ARHGEF12: variants seen among roughly 807,000 people sequenced by gnomAD.
ARHGEF12 encodes the protein KMT2A/ARHGEF12 fusion protein.
A neutral mutation model predicts 211.2 loss-of-function variants in ARHGEF12; 66 were observed. The observed-to-expected ratio is 0.31, with a 90% CI of 0.26 to 0.38. ARHGEF12 has a LOEUF of 0.38. Ranked by LOEUF, ARHGEF12 falls within the 10% of genes least tolerant of loss-of-function variation. ARHGEF12 has a pLI of 1.00. For synonymous variants in ARHGEF12, 592 were observed against 638.4 expected, an observed-to-expected ratio of 0.93 and a Z score of 1.09; for missense variants, 1,429 against 1,869.5, an observed-to-expected ratio of 0.76 and a Z score of 4.34.
intron 30 of ARHGEF12, 119 bp downstream of exon 30, chr11:120,469,507 T>G: frequency 3.6e-6 from 3 of 843,174 alleles, no homozygotes; most frequent in Admixed American, 5.7e-5. Flanking sequence ...GGAGAACATT[T>G]GTTTACTGTT....
At chr11:120,429,374 C>CT in intron 8 of ARHGEF12, 66 bp from the exon 9 acceptor site, 1 of 1,337,908 alleles carries the variant, frequency 7.5e-7, no homozygotes, top group Non-Finnish European at 1.0e-6. Context: ...CACATTTTCT[C>CT]TATTTATTTT....
Position 120,420,814 on chromosome 11 carries a change from T to C in ARHGEF12, c.261T>C (p.Ser87=), listed in dbSNP as rs776284902. ...KDDNGFGLTV[S]GDNPVFVQSV... ...ACAATGGATTTGGGCTGACGGTCAG[T>C]GGAGACAATCCAGTCTTCGTACAGT... The change falls in exon 5 of 41, where the codon AGT becomes AGC. Residue 87 remains serine (S), a synonymous_variant. Transcript: ENST00000397843. 3.7e-6 allele frequency: 6 copies of C among 1,614,108 alleles called. No homozygotes were observed. The Admixed American group carries it at 8.3e-5, about 22-fold the overall frequency.
chr11:120,425,169 C>T (rs1486496622), intron 7 of ARHGEF12, among the ~76,000 whole-genome samples: 3 of 152,080 alleles, frequency 2.0e-5, no homozygotes, highest in African/African-American at 4.8e-5. Context: ...CCCATCTGCA[C>T]AGGGAGAAGG....
chr11:120,435,639 C>T (rs538257827), intron 11 of ARHGEF12, among the ~76,000 whole-genome samples: 1 of 151,540 alleles, frequency 6.6e-6, no homozygotes, highest in Non-Finnish European at 1.5e-5. Flanking sequence ...CTCAGCCTTC[C>T]GAGTAGCTGG....
chr11:120,343,469 T>C (rs1942596634), intron 1 of ARHGEF12, among the ~76,000 whole-genome samples: 1 of 152,264 alleles, frequency 6.6e-6, no homozygotes, highest in African/African-American at 2.4e-5. Flanking sequence ...GGTCAGAGGC[T>C]GTGCCTAAAT....
intron 20 of ARHGEF12, chr11:120,448,842 T>C (rs1475335236): frequency 1.9e-5 from 7 of 374,922 alleles, no homozygotes; most frequent in Non-Finnish European, 2.4e-5. Context: ...TTGTTTAGAA[T>C]AAGTTCCTGG....
intron 1 of ARHGEF12, among the ~76,000 whole-genome samples, chr11:120,364,078 G>A (rs2135377321): frequency 6.6e-6 from 1 of 152,208 alleles, no homozygotes; most frequent in East Asian, 1.9e-4. Flanking sequence ...CAACTAGCTG[G>A]AACTACAGGC....
At chr11:120,380,506 G>A (rs571808043) in intron 1 of ARHGEF12, among the ~76,000 whole-genome samples, 23 of 152,178 alleles carry the variant, frequency 1.5e-4, no homozygotes, top group African/African-American at 5.1e-4. Context: ...TGCCATCCCC[G>A]AGGACTTTGT....
chr11:120,416,672 T>C (rs1167954040), intron 4 of ARHGEF12, among the ~76,000 whole-genome samples: 1 of 152,192 alleles, frequency 6.6e-6, no homozygotes, highest in African/African-American at 2.4e-5. Context: ...TCTTTTTTTT[T>C]TGAGATGGAG....
chr11:120,423,196 G>T (rs1945247742), intron 6 of ARHGEF12, among the ~76,000 whole-genome samples: 1 of 152,130 alleles, frequency 6.6e-6, no homozygotes. Context: ...AAATTAAAAT[G>T]ATAGGTGAAA....
chr11:120,404,248 AG>A (rs149489288), intron 1 of ARHGEF12, among the ~76,000 whole-genome samples: 1,671 of 152,304 alleles, frequency 0.011, 30 homozygotes, highest in African/African-American at 0.038. Flanking sequence ...AGCATGTGGT[AG>A]GGATTTTGCA....
intron 1 of ARHGEF12, among the ~76,000 whole-genome samples, chr11:120,373,592 G>A (rs1207465955): frequency 1.3e-5 from 2 of 151,900 alleles, no homozygotes; most frequent in Non-Finnish European, 2.9e-5. Context: ...TTCTATTATT[G>A]GTACGATATT....
At chr11:120,457,093 T>G in intron 22 of ARHGEF12, 25 bp from the exon 23 acceptor site, 1 of 1,612,142 alleles carries the variant, frequency 6.2e-7, no homozygotes, top group Non-Finnish European at 8.5e-7. Flanking sequence ...TTAACACTCT[T>G]CAAATGTCTG....
intron 1 of ARHGEF12, among the ~76,000 whole-genome samples, chr11:120,377,643 C>CT (rs1300289231): frequency 6.6e-6 from 1 of 152,090 alleles, no homozygotes; most frequent in Non-Finnish European, 1.5e-5. Flanking sequence ...CCTTTCTTCT[C>CT]TTTTTTTAGG....
At chr11:120,347,893 A>T (rs570188853) in intron 1 of ARHGEF12, among the ~76,000 whole-genome samples, 3 of 152,220 alleles carry the variant, frequency 2.0e-5, no homozygotes, top group Non-Finnish European at 2.9e-5. Flanking sequence ...TCAGGTGACA[A>T]TGAGGTGGCA....
intron 1 of ARHGEF12, among the ~76,000 whole-genome samples, chr11:120,353,094 T>C (rs1943032645): frequency 6.6e-6 from 1 of 152,176 alleles, no homozygotes; most frequent in Admixed American, 6.5e-5. Flanking sequence ...TGATTTCAGG[T>C]TGAACCACTG....
Position 120,407,776 on chromosome 11 carries a change from A to G in ARHGEF12, c.95A>G (p.Lys32Arg). ...SILNRESPTD[K>R]KQKVERIASH... ...TTGAACCGAGAGTCACCAACAGATA[A>G]GAAGCAGAAAGTTGAGCGCATTGCA... The change falls in exon 3 of 41, where the codon AAG becomes AGG. Residue 32 changes from lysine to arginine, a missense_variant. Physicochemically the swap from Lys to Arg is conservative, Grantham distance 26 (BLOSUM62 2). Coordinates refer to ENST00000397843, the MANE Select transcript of ARHGEF12 (RefSeq NM_015313.3). The G allele has an allele frequency of 6.2e-7, 1 of 1,613,624 alleles. No homozygotes were observed. The highest frequency in any genetic ancestry group is 1.1e-5 in the South Asian group (1 of 90,978).
chr11:120,459,239 C>T lies in ARHGEF12; in HGVS notation c.2446C>T (p.Arg816Ter). ...GGTTCTTGATCAAGTGTTCTATCAGCGAGTATCCAGAGAAGGAATTCTGTC... is the reference window on the plus strand; with the variant it reads ...GGTTCTTGATCAAGTGTTCTATCAGTGAGTATCCAGAGAAGGAATTCTGTC... ...LKVLDQVFYQ[R>*]VSREGILSPS... is the part of the protein sequence containing the mutation. The change falls in exon 26 of 41, where the codon CGA becomes TGA. Residue 816 changes from arginine (R) to a stop codon, truncating the protein, a stop_gained. Coordinates refer to ENST00000397843, the MANE Select transcript of ARHGEF12 (RefSeq NM_015313.3). LOFTEE classifies it high-confidence loss of function. 1 of 1,613,542 alleles carries T rather than the reference C, an allele frequency of 6.2e-7. No homozygotes were observed. Among genetic ancestry groups the T allele is most frequent in the Non-Finnish European group, 8.5e-7 (1 of 1,179,728 alleles).
At position 120,489,888 on chromosome 11, in the gene ARHGEF12, A is replaced by G. The variant is rs1459310940; in HGVS notation, c.*4811A>G. On this transcript the variant is annotated 3_prime_UTR_variant, in exon 41 of 41. Transcript: ENST00000397843. ...CTGTACCATTCCCACTTGCTCTTTG[A>G]TAGCCACCTCCTAGGAATGGAGACA... 5.5e-6 allele frequency: 1 copy of G among 182,906 alleles called. No individual in the cohort carries two copies. Among genetic ancestry groups the G allele is most frequent in the East Asian group, 8.9e-5 (1 of 11,274 alleles). The allele number at this position is 182,906 out of a possible 1,614,324, so 11.3% of individuals were successfully genotyped here.
Sources: gnomAD v4.1 joint callset for allele counts (sites outside exome capture counted in the v4.1 genomes callset) on GRCh38, gnomAD v4.1.1 for gene constraint, MANE v1.5 for transcripts, NCBI Gene and HGNC (gene_info 2026-07-23, HGNC 2026-07-21) for gene names.